Variants in MYBBP1A observed in about 807,000 individuals in gnomAD.
MYBBP1A encodes the protein myb-binding protein 1A.
Under a neutral mutation model 136.3 loss-of-function variants are expected in MYBBP1A, and 147 were observed. The observed-to-expected ratio is 1.08, with a 90% CI of 0.94 to 1.24. MYBBP1A has a LOEUF of 1.24. MYBBP1A is among the 50% of genes most tolerant of loss of function. MYBBP1A has a pLI of 0.00. For synonymous variants in MYBBP1A, 947 were observed against 735.8 expected, an observed-to-expected ratio of 1.29 and a Z score of -4.65; for missense variants, 2,060 against 1,727.4, an observed-to-expected ratio of 1.19 and a Z score of -3.41.
chr17:4,544,996 G>GCCCCCCCCCCCCCCCCCCC, intron 17 of MYBBP1A, 30 bp downstream of exon 17: 5 of 697,886 alleles, frequency 7.2e-6, no homozygotes, highest in South Asian at 4.5e-5. Flanking sequence ...GCCCTCCCCG[G>GCCCCCCCCCCCCCCCCCCC]CCGCCCCCCC....
Position 4,552,154 on chromosome 17 carries a change from C to T in MYBBP1A, c.876G>A (p.Gly292=). 1.9e-6 allele frequency: 3 copies of T among 1,614,200 alleles called. No individual in the cohort carries two copies. Among genetic ancestry groups the T allele is most frequent in the Non-Finnish European group, 2.5e-6 (3 of 1,180,018 alleles). ...CTGGCCAGAACTGCATCTTCAGCAG[C>T]CCTTGTTCCACCACCTCCTTCCAGA... ...PRFWKEVVEQ[G]LLKMQFWPAS... Residue 292 remains glycine (G), a synonymous_variant, in exon 7 of 26, where the codon GGG becomes GGA. Transcript: ENST00000254718. The surrounding 1 kb of genome is among the most constrained non-coding windows in gnomAD (Gnocchi z 4.7).
intron 21 of MYBBP1A, 30 bp from the exon 22 acceptor site, chr17:4,542,562 G>A (rs1906547671): frequency 6.8e-6 from 11 of 1,612,580 alleles, no homozygotes; most frequent in Non-Finnish European, 7.6e-6. Context: ...GCTGTGAGGT[G>A]CAGGCTGGGC....
Position 4,548,094 on chromosome 17 carries a change from A to G in MYBBP1A, c.1725-37T>C. ...CAGGCGATTCCCAGGCCCCTGCACC[A>G]GTCAGACTGCAGCGTCCTGCCCACC... is the stretch of plus-strand genomic sequence containing the variant. On this transcript the variant is annotated intron_variant, in intron 12 of 25. Coordinates refer to ENST00000254718, the MANE Select transcript of MYBBP1A (RefSeq NM_014520.4). This position sits in a 1 kb window ranked among gnomAD's most constrained non-coding sequence, Gnocchi z 4.2. 1 of 1,602,032 alleles carries G rather than the reference A, an allele frequency of 6.2e-7. No homozygotes were observed.
At position 4,548,967 on chromosome 17, in the gene MYBBP1A, G is replaced by C. The variant is rs754750804; in HGVS notation, c.1431-318C>G. 2.0e-5 allele frequency among the ~76,000 whole-genome samples: 3 copies of C among 152,254 alleles called. No individual in the cohort carries two copies. Among genetic ancestry groups the C allele is most frequent in the African/African-American group, 7.2e-5 (3 of 41,466 alleles). On this transcript the variant is annotated intron_variant, in intron 10 of 25. Coordinates refer to ENST00000254718, the MANE Select transcript of MYBBP1A (RefSeq NM_014520.4). The surrounding 1 kb of genome is among the most constrained non-coding windows in gnomAD (Gnocchi z 4.2). ...GGCCAAGTCAGGTCACTGCTCCTGC[G>C]AACATGGGACAGCCCCCTCTTGCAA...
Position 4,554,111 on chromosome 17 carries a change from G to T in MYBBP1A, c.379-18C>A, listed in dbSNP as rs1200844629. On this transcript the variant is annotated intron_variant, in intron 3 of 25. Transcript: ENST00000254718. ...AGCATTGCCTAGAAAAGGATTCCAG[G>T]CACAGGCATGAGGGGCCCTGGAACT... 2 of 1,613,788 alleles carry T rather than the reference G, an allele frequency of 1.2e-6. No individual in the cohort carries two copies. Among genetic ancestry groups the T allele is most frequent in the Non-Finnish European group, 1.7e-6 (2 of 1,179,972 alleles).
chr17:4,542,310 G>C, intron 22 of MYBBP1A, 154 bp downstream of exon 22: 1 of 869,528 alleles, frequency 1.2e-6, no homozygotes, highest in Non-Finnish European at 1.8e-6. Flanking sequence ...ACCCCCTTCA[G>C]AGACCATGTA....
intron 13 of MYBBP1A, among the ~76,000 whole-genome samples, chr17:4,546,551 A>C (rs902684301): frequency 2.6e-5 from 4 of 152,186 alleles, no homozygotes; most frequent in Admixed American, 6.5e-5. Context: ...AGGGTCCCAG[A>C]GAAGCCAGCA....
rs529878770 is a variant in MYBBP1A, at chr17:4,544,880, C to T, written c.2352G>A (p.Glu784=). ...DSENEEELGD[E]AMMALDQSLA... is the part of the protein sequence containing the mutation. ...GGCTCTGGTCCAGGGCCATCATGGCCTCATCCCCCAGCTCCTCCTCGTTCT... is the reference window on the plus strand; with the variant it reads ...GGCTCTGGTCCAGGGCCATCATGGCTTCATCCCCCAGCTCCTCCTCGTTCT... Residue 784 remains glutamate (E), a synonymous_variant, in exon 18 of 26, where the codon GAG becomes GAA. Transcript: ENST00000254718. The T allele has an allele frequency of 9.3e-6, 15 of 1,607,698 alleles. No individual in the cohort carries two copies. In the African/African-American group the frequency reaches 1.2e-4, roughly 13 times the overall value.
At chr17:4,540,153 CGAGGCTCCTGCGAGGGTCCTGT>C (rs576354445) in intron 25 of MYBBP1A, among the ~76,000 whole-genome samples, 173 bp downstream of exon 25, 11,345 of 94,094 alleles carry the variant, frequency 0.12, 768 homozygotes, top group African/African-American at 0.3. Context: ...GAGGGTCCTG[CGAGGCTCCTGCGAGGGTCCTGT>C]GAGGGTCCTA....
chr17:4,545,231 G>A (rs565430606), intron 16 of MYBBP1A, 28 bp downstream of exon 16: 121 of 1,537,250 alleles, frequency 7.9e-5, no homozygotes, highest in East Asian at 2.5e-4. Context: ...ACTCCCCACC[G>A]CCCCCGCCCG....
chr17:4,555,193 C>T lies in MYBBP1A; in HGVS notation c.132G>A (p.Lys44=). 6.2e-7 allele frequency: 1 copy of T among 1,609,352 alleles called. No individual in the cohort carries two copies. Among genetic ancestry groups the T allele is most frequent in the Non-Finnish European group, 8.5e-7 (1 of 1,178,156 alleles). Residue 44 remains lysine (K), a synonymous_variant, in exon 1 of 26, where the codon AAG becomes AAA. Coordinates refer to ENST00000254718, the MANE Select transcript of MYBBP1A (RefSeq NM_014520.4). ...CCGCAAGTCGCGTCTCCTGCTCAGG[C>T]TTCGCAATGTCCCAGAAGAAGTCCA... ...EFLDFFWDIA[K]PEQETRLAAT...
Position 4,540,462 on chromosome 17 carries a change from A to G in MYBBP1A, c.3320T>C (p.Val1107Ala). The G allele has an allele frequency of 6.2e-7, 1 of 1,610,340 alleles. No individual in the cohort carries two copies. Among genetic ancestry groups the G allele is most frequent in the Non-Finnish European group, 8.5e-7 (1 of 1,179,420 alleles). ...KHEKLTLDLT[V>A]LLGVLQGQQQ... is the part of the protein sequence containing the mutation. Reference sequence around the variant, plus strand: ...TTGCCCCTGCAGCACACCCAGGAGCACCGTCAGGTCCAAGGTCAGCTTCTG... The same window carrying G: ...TTGCCCCTGCAGCACACCCAGGAGCGCCGTCAGGTCCAAGGTCAGCTTCTG... The change falls in exon 25 of 26, where the codon GTG becomes GCG. Residue 1107 changes from valine to alanine, a missense_variant. Transcript: ENST00000254718.
In MYBBP1A at chr17:4,552,062, T is replaced by G. The variant is rs924440258; in HGVS notation, c.905+63A>C. 1.3e-6 allele frequency: 2 copies of G among 1,596,042 alleles called. No individual in the cohort carries two copies. Among genetic ancestry groups the G allele is most frequent in the Non-Finnish European group, 1.7e-6 (2 of 1,169,106 alleles). On this transcript the variant is annotated intron_variant, in intron 7 of 25. Coordinates refer to ENST00000254718, the MANE Select transcript of MYBBP1A (RefSeq NM_014520.4). This position sits in a 1 kb window ranked among gnomAD's most constrained non-coding sequence, Gnocchi z 4.7. ...GTGCCCCTGGTGGGAACCTCAGGAC[T>G]AGTGGCCTAGCCCACTTCACGGACA...
rs748071379 is a variant in MYBBP1A, at chr17:4,548,271, CGGTGCCT to C, written c.1589_1595del (p.Gln530ArgfsTer22). 1.2e-6 allele frequency: 2 copies of C among 1,612,498 alleles called. No individual in the cohort carries two copies. The highest frequency in any genetic ancestry group is 3.3e-5 in the Admixed American group (2 of 60,020). ...AGGGCTGCCCACCCTGGGTCTGGCCCGGTGCCTGCTTGAACTGCGTGCTGAGGGTCTG... is the reference window on the plus strand; with the variant it reads ...AGGGCTGCCCACCCTGGGTCTGGCCCGCTTGAACTGCGTGCTGAGGGTCTG... On this transcript the variant is annotated frameshift_variant, in exon 12 of 26. Coordinates refer to ENST00000254718, the MANE Select transcript of MYBBP1A (RefSeq NM_014520.4). LOFTEE classifies it high-confidence loss of function. This position sits in a 1 kb window ranked among gnomAD's most constrained non-coding sequence, Gnocchi z 4.2.
At chr17:4,549,194 G>A in intron 10 of MYBBP1A, 138 bp downstream of exon 10, 2 of 689,910 alleles carry the variant, frequency 2.9e-6, no homozygotes, top group Non-Finnish European at 4.8e-6. Flanking sequence ...GAATTCCCAA[G>A]TCCCCTTGTG....
Position 4,539,788 on chromosome 17 carries a change from G to A in MYBBP1A, c.3614C>T (p.Pro1205Leu), listed in dbSNP as rs1370895523. ...GTPAATGGSQ[P>L]PSMGRKKRNR... ...CCTCTTCTTCCTGCCCATGCTGGGG[G>A]GCTGGCTCCCGCCGGTGGCTGCAGG... is the stretch of plus-strand genomic sequence containing the variant. The change falls in exon 26 of 26, where the codon CCC (proline) becomes CTC (leucine). Residue 1205 changes from proline (P) to leucine (L), a missense_variant. Transcript: ENST00000254718. 2.5e-6 allele frequency: 4 copies of A among 1,612,560 alleles called. No individual in the cohort carries two copies. The highest frequency in any genetic ancestry group is 8.5e-7 in the Non-Finnish European group (1 of 1,180,028).
rs200368677 is a variant in MYBBP1A at position 4,552,515 on chromosome 17, C to G, written c.673G>C (p.Val225Leu). Residue 225 changes from valine to leucine, a missense_variant, in exon 6 of 26, where the codon GTG becomes CTG. Val to Leu is a conservative substitution (Grantham distance 32). Transcript: ENST00000254718. This position sits in a 1 kb window ranked among gnomAD's most constrained non-coding sequence, Gnocchi z 4.7. Reference protein sequence around the residue: ...LELFLLAQQKVPSKLKKLVGS... With the variant: ...LELFLLAQQKLPSKLKKLVGS... Reference sequence around the variant, plus strand: ...ACCAGCTTCTTGAGCTTGGAGGGCACCTTCTGCTGGGCCAGGAGGAAGAGC... The same window carrying G: ...ACCAGCTTCTTGAGCTTGGAGGGCAGCTTCTGCTGGGCCAGGAGGAAGAGC... The G allele has an allele frequency of 3.4e-5, 55 of 1,613,954 alleles. No homozygotes were observed. In the Middle Eastern group the frequency reaches 5.1e-4, roughly 15 times the overall value.
At position 4,555,170 on chromosome 17, in the gene MYBBP1A, G is replaced by C. The variant is rs867562447; in HGVS notation, c.155C>G (p.Ala52Gly). The change falls in exon 1 of 26, where the codon GCG becomes GGG. Residue 52 changes from alanine to glycine, a missense_variant. Transcript: ENST00000254718. ...ATACTCCAGCAGCTTCTCCGTGGCC[G>C]CAAGTCGCGTCTCCTGCTCAGGCTT... ...IAKPEQETRL[A>G]ATEKLLEYLR... The C allele has an allele frequency of 3.1e-6, 5 of 1,602,664 alleles. No individual in the cohort carries two copies. The highest frequency in any genetic ancestry group is 1.7e-5 in the Admixed American group (1 of 58,702).
chr17:4,546,130 G>A (rs1906994198), intron 13 of MYBBP1A, among the ~76,000 whole-genome samples, 188 bp from the exon 14 acceptor site: 1 of 152,174 alleles, frequency 6.6e-6, no homozygotes, highest in African/African-American at 2.4e-5. Context: ...AAGAGCTGAG[G>A]GCTTTTGAGA....
Sources: gnomAD v4.1 joint callset for allele counts (sites outside exome capture counted in the v4.1 genomes callset) on GRCh38, gnomAD v4.1.1 for gene constraint, Gnocchi (gnomAD v3.1) non-coding constraint, MANE v1.5 for transcripts, NCBI Gene and HGNC (gene_info 2026-07-23, HGNC 2026-07-21) for gene names.